Variants in JPT2 observed in about 807,000 individuals in gnomAD.
JPT2 encodes the protein Jupiter microtubule associated homolog 2.
In JPT2, 9 loss-of-function variants were observed where a neutral mutation model predicts 15.9. That is an observed-to-expected ratio of 0.57 (90% confidence interval 0.34 to 0.99). The LOEUF (loss-of-function observed/expected upper bound fraction) is 0.99, where lower values mean the gene tolerates loss of function less well. Ranked by LOEUF, JPT2 falls within the 50% of genes least tolerant of loss-of-function variation. The pLI is 0.02. For missense variants in JPT2, 267 were observed against 252.1 expected, an observed-to-expected ratio of 1.06 and a Z score of -0.40; for synonymous variants, 95 against 91.7, an observed-to-expected ratio of 1.04 and a Z score of -0.21.
intron 3 of JPT2, among the ~76,000 whole-genome samples, chr16:1,696,959 T>G (rs2037146548): frequency 6.6e-6 from 1 of 152,240 alleles, no homozygotes. Flanking sequence ...ATTCCACTCT[T>G]AAGTACGTAC....
rs79741077 is a variant in JPT2 at position 1,700,685 on chromosome 16, G to T, written c.*1687G>T. On this transcript the variant is annotated 3_prime_UTR_variant, in exon 5 of 5. Transcript: ENST00000248098. ...ACTCTACACACACTTCAGGTGGTTT[G>T]TGCTTCAAAGTCATTGATGCAACTT... The T allele has an allele frequency of 6.5e-6, 1 of 153,084 alleles. No homozygotes were observed. The highest frequency in any genetic ancestry group is 2.4e-5 in the African/African-American group (1 of 41,452). 9.5% of individuals were successfully genotyped at this position (153,084 alleles called of 1,614,324 possible). A position where few individuals can be genotyped will look rare whatever the true frequency, so the allele number is the denominator to read the frequency against.
intron 1 of JPT2, among the ~76,000 whole-genome samples, chr16:1,684,020 A>G (rs2037045391): frequency 1.3e-5 from 2 of 152,324 alleles, no homozygotes; most frequent in South Asian, 2.1e-4. Context: ...AATCATCTCT[A>G]GGTTACAAGG....
chr16:1,690,267 C>A (rs148948556), intron 2 of JPT2: 1 of 152,200 alleles, frequency 6.6e-6, no homozygotes, highest in African/African-American at 2.4e-5. Context: ...GCTCTTCATC[C>A]GGTTGCTTCT....
chr16:1,695,262 G>A (rs1337769704), intron 3 of JPT2, among the ~76,000 whole-genome samples: 2 of 152,060 alleles, frequency 1.3e-5, no homozygotes, highest in African/African-American at 2.4e-5. Flanking sequence ...AAAATTAGCC[G>A]GGCCTGGTGG....
At chr16:1,680,691 G>T (rs141081533) in intron 1 of JPT2, 4 of 183,446 alleles carry the variant, frequency 2.2e-5, no homozygotes, top group Middle Eastern at 2.7e-3. Context: ...TCCTTTCCTT[G>T]CTGAGGGATT....
At chr16:1,686,898 G>A (rs1259866776) in intron 2 of JPT2, among the ~76,000 whole-genome samples, 2 of 152,054 alleles carry the variant, frequency 1.3e-5, no homozygotes, top group African/African-American at 4.8e-5. Flanking sequence ...ATCCACTCCC[G>A]ACCTCACTCC....
chr16:1,699,959 G>C lies in JPT2; in HGVS notation c.*961G>C. 3.5e-6 allele frequency: 1 copy of C among 287,634 alleles called. No homozygotes were observed. The highest frequency in any genetic ancestry group is 7.3e-6 in the Non-Finnish European group (1 of 136,112). 17.8% of individuals were successfully genotyped at this position (287,634 alleles called of 1,614,324 possible). ...TGGTTGGTGGAAAGAAGAGATGCTT[G>C]GGAACCTTGGGTTCTTAGGTTTGGA... On this transcript the variant is annotated 3_prime_UTR_variant, in exon 5 of 5. Coordinates refer to ENST00000248098, the MANE Select transcript of JPT2 (RefSeq NM_144570.3).
At position 1,678,368 on chromosome 16, in the gene JPT2, G is replaced by A. The variant is rs2036990113; in HGVS notation, c.44+12G>A. ...CGCGCCGGCTCCAGGTGCGGCGCGG[G>A]GCACACGGGAGGCGGGCGGATAGCG... On this transcript the variant is annotated intron_variant, in intron 1 of 4. Coordinates refer to ENST00000248098, the MANE Select transcript of JPT2 (RefSeq NM_144570.3). The A allele has an allele frequency of 3.2e-6, 4 of 1,230,912 alleles. No homozygotes were observed. Among genetic ancestry groups the A allele is most frequent in the Non-Finnish European group, 4.1e-6 (4 of 985,640 alleles). The allele number at this position is 1,230,912 out of a possible 1,614,324, so 76.2% of individuals were successfully genotyped here.
chr16:1,681,883 A>T (rs183331184), intron 1 of JPT2, among the ~76,000 whole-genome samples: 11 of 152,328 alleles, frequency 7.2e-5, no homozygotes, highest in Admixed American at 7.2e-4. Context: ...CAGATCTGAC[A>T]GTTTGTAGCA....
chr16:1,679,103 A>G (rs1217891302), intron 1 of JPT2, among the ~76,000 whole-genome samples: 1 of 152,016 alleles, frequency 6.6e-6, no homozygotes, highest in African/African-American at 2.4e-5. Context: ...CTTTTAAAGC[A>G]CTCTTTGGGT....
intron 3 of JPT2, among the ~76,000 whole-genome samples, chr16:1,693,325 G>C (rs893105739): frequency 1.3e-5 from 2 of 152,180 alleles, no homozygotes; most frequent in Non-Finnish European, 2.9e-5. Flanking sequence ...TTGAACTCCT[G>C]TCCTCCAGTG....
intron 1 of JPT2, among the ~76,000 whole-genome samples, chr16:1,678,609 G>C (rs1020955725): frequency 6.6e-6 from 1 of 152,216 alleles, no homozygotes; most frequent in African/African-American, 2.4e-5. Context: ...GGGGAGGGGC[G>C]CCCGGGCTCT....
chr16:1,695,847 G>A (rs2037137588), intron 3 of JPT2, among the ~76,000 whole-genome samples: 1 of 152,100 alleles, frequency 6.6e-6, no homozygotes, highest in African/African-American at 2.4e-5. Context: ...CTCCAGCATG[G>A]GCAACAAGCA....
chr16:1,695,298 G>A (rs1407866348), intron 3 of JPT2, among the ~76,000 whole-genome samples: 1 of 152,062 alleles, frequency 6.6e-6, no homozygotes, highest in African/African-American at 2.4e-5. Context: ...TCAGCTACTC[G>A]GGAGGCTGAG....
chr16:1,698,871 G>C lies in JPT2; in HGVS notation c.446G>C (p.Gly149Ala). The C allele has an allele frequency of 6.2e-7, 1 of 1,614,194 alleles. No individual in the cohort carries two copies. Among genetic ancestry groups the C allele is most frequent in the Non-Finnish European group, 8.5e-7 (1 of 1,180,030 alleles). ...GAGAAAGGCAGCGCCAGAAAAGCAG[G>C]CCCCGCCAAGGAGCAGGAGCCCATG... Reference protein sequence around the residue: ...PGEKGSARKAGPAKEQEPMPT... With the variant: ...PGEKGSARKAAPAKEQEPMPT... Residue 149 changes from glycine to alanine, a missense_variant, in exon 5 of 5, where the codon GGC becomes GCC. Gly to Ala is a moderately conservative substitution (Grantham distance 60). Transcript: ENST00000248098. This position sits in a 1 kb window ranked among gnomAD's most constrained non-coding sequence, Gnocchi z 4.9.
intron 3 of JPT2, chr16:1,692,558 T>C (rs1228559003): frequency 6.3e-6 from 1 of 158,926 alleles, no homozygotes. Context: ...TAGCAGGGAT[T>C]GATCAGAGCT....
rs921011643 is a variant in JPT2, at chr16:1,701,632, T to C, written c.*2634T>C. ...TGTAACTTAAATGAACGGGTTTTTT[T>C]CCCTTGTATGCCACTTGTCCTAACA... On this transcript the variant is annotated 3_prime_UTR_variant, in exon 5 of 5. Coordinates refer to ENST00000248098, the MANE Select transcript of JPT2 (RefSeq NM_144570.3). 1 of 152,226 alleles carries C rather than the reference T, an allele frequency of 6.6e-6. No homozygotes were observed. Among genetic ancestry groups the C allele is most frequent in the Non-Finnish European group, 1.5e-5 (1 of 68,074 alleles). 9.4% of individuals were successfully genotyped at this position (152,226 alleles called of 1,614,324 possible).
chr16:1,683,683 T>G (rs2047516966), intron 1 of JPT2: 1 of 879,288 alleles, frequency 1.1e-6, no homozygotes, highest in African/African-American at 1.7e-5. Flanking sequence ...CCTTCCTGCT[T>G]TATAGCAGGA....
In JPT2 at chr16:1,699,648, C is replaced by T. The variant is rs2037167902; in HGVS notation, c.*650C>T. 2 of 275,894 alleles carry T rather than the reference C, an allele frequency of 7.2e-6. No individual in the cohort carries two copies. The highest frequency in any genetic ancestry group is 1.4e-5 in the Non-Finnish European group (2 of 139,372). 17.1% of individuals were successfully genotyped at this position (275,894 alleles called of 1,614,324 possible). A position where few individuals can be genotyped will look rare whatever the true frequency, so the allele number is the denominator to read the frequency against. On this transcript the variant is annotated 3_prime_UTR_variant, in exon 5 of 5. Transcript: ENST00000248098. ...GTGCCCAGTTCCTGCCATCTGAAAC[C>T]TCGGCCTGATCTGATCTCATGTTGG...
Sources: allele counts gnomAD v4.1 joint callset (sites outside exome capture counted in the v4.1 genomes callset), GRCh38; gene constraint gnomAD v4.1.1; non-coding constraint Gnocchi (gnomAD v3.1); transcripts MANE v1.5; gene names NCBI Gene and HGNC (gene_info 2026-07-23, HGNC 2026-07-21).